TIPIN: variants seen among roughly 807,000 people sequenced by gnomAD.
TIPIN encodes TIMELESS interacting protein, also known as TIMELESS-interacting protein.
A neutral mutation model predicts 35.6 loss-of-function variants in TIPIN; 29 were observed. The observed-to-expected ratio is 0.82, with a 90% confidence interval of 0.61 to 1.11. The LOEUF is 1.11. Ranked by LOEUF, TIPIN falls within the 50% of genes most tolerant of loss-of-function variation. TIPIN has a pLI of 0.00. For synonymous variants in TIPIN, 102 were observed against 121.5 expected, an observed-to-expected ratio of 0.84 and a Z score of 1.06; for missense variants, 296 against 345.4, an observed-to-expected ratio of 0.86 and a Z score of 1.13.
chr15:66,351,794 T>C (rs373815405), intron 3 of TIPIN, among the ~76,000 whole-genome samples, 194 bp from the exon 4 acceptor site: 7 of 152,020 alleles, frequency 4.6e-5, no homozygotes, highest in Admixed American at 2.0e-4. Context: ...CACCCACCAC[T>C]GCACCCAGCT....
intron 1 of TIPIN, chr15:66,379,276 C>G: frequency 6.6e-7 from 1 of 1,508,700 alleles, no homozygotes; most frequent in Non-Finnish European, 8.8e-7. Flanking sequence ...ATTTAAATAT[C>G]ACAAGTAGGT....
At chr15:66,337,219 C>A (rs373661697) in intron 7 of TIPIN, 38 bp from the exon 8 acceptor site, 25 of 1,563,678 alleles carry the variant, frequency 1.6e-5, no homozygotes, top group Admixed American at 5.1e-5. Flanking sequence ...ATTATAAGTA[C>A]CTGATCCAAT....
At chr15:66,377,617 C>T (rs1385446594) in intron 1 of TIPIN, among the ~76,000 whole-genome samples, 1 of 152,108 alleles carries the variant, frequency 6.6e-6, no homozygotes, top group Non-Finnish European at 1.5e-5. Flanking sequence ...CCCATCTTGG[C>T]CTCCCAAAGT....
At chr15:66,355,482 G>A (rs1055455362) in intron 1 of TIPIN, among the ~76,000 whole-genome samples, 3 of 149,694 alleles carry the variant, frequency 2.0e-5, no homozygotes, top group African/African-American at 7.3e-5. Context: ...GGGCGCGGTG[G>A]CTCACGCCGG....
At chr15:66,383,211 T>G (rs868765454) in intron 1 of TIPIN, among the ~76,000 whole-genome samples, 9 of 152,138 alleles carry the variant, frequency 5.9e-5, no homozygotes, top group Admixed American at 1.3e-4. Flanking sequence ...AAATATAAAA[T>G]TATACCAGAA....
At position 66,383,677 on chromosome 15, in the gene TIPIN, C is replaced by A. The variant is rs544591446; in HGVS notation, c.-9+2930G>T. 10 of 739,626 alleles carry A rather than the reference C, an allele frequency of 1.4e-5. 1 individual carries two copies. Among genetic ancestry groups the A allele is most frequent in the African/African-American group, 1.1e-4 (6 of 52,438 alleles). The allele number at this position is 739,626 out of a possible 1,614,324, so 45.8% of individuals were successfully genotyped here. A position where few individuals can be genotyped will look rare whatever the true frequency, so the allele number is the denominator to read the frequency against. Reference sequence around the variant, plus strand: ...ACACATGCATACATTTACATCTATGCCTCTATATTAAAAAGTATGGGGGAA... The same window carrying A: ...ACACATGCATACATTTACATCTATGACTCTATATTAAAAAGTATGGGGGAA... On this transcript the variant is annotated intron_variant, in intron 1 of 7. Transcript: ENST00000562124.
At chr15:66,383,744 T>C (rs1595826620) in intron 1 of TIPIN, 1 of 210,234 alleles carries the variant, frequency 4.8e-6, no homozygotes, top group East Asian at 1.8e-4. Context: ...AAGCAGCAGA[T>C]ATGTAGGATG....
intron 1 of TIPIN, among the ~76,000 whole-genome samples, chr15:66,369,403 G>A (rs958709863): frequency 4.4e-5 from 6 of 136,974 alleles, no homozygotes; most frequent in African/African-American, 8.4e-5. Flanking sequence ...CGCCCAGGCT[G>A]GATGGTGCCA....
chr15:66,371,431 T>C (rs1005550269), intron 1 of TIPIN: 11 of 958,612 alleles, frequency 1.1e-5, no homozygotes, highest in African/African-American at 5.3e-5. Flanking sequence ...CAAATAAAAA[T>C]ATATTTGGGT....
intron 1 of TIPIN, among the ~76,000 whole-genome samples, chr15:66,354,370 T>C (rs1261257657): frequency 6.6e-6 from 1 of 152,164 alleles, no homozygotes; most frequent in African/African-American, 2.4e-5. Flanking sequence ...AGCAATTCCT[T>C]CCCCTATCCC....
chr15:66,375,673 T>C (rs1037411678), intron 1 of TIPIN, among the ~76,000 whole-genome samples: 1 of 150,802 alleles, frequency 6.6e-6, no homozygotes, highest in African/African-American at 2.4e-5. Context: ...ACCCCGTCTC[T>C]ACTAGTACCA....
At chr15:66,379,908 G>GACCATTCTCATTAA in intron 1 of TIPIN, 1 of 1,513,266 alleles carries the variant, frequency 6.6e-7, no homozygotes. Context: ...AATGAGAATG[G>GACCATTCTCATTAA]TCTTCACTCT....
chr15:66,352,284 G>C (rs779509413), intron 2 of TIPIN, 77 bp from the exon 3 acceptor site: 22 of 1,184,530 alleles, frequency 1.9e-5, no homozygotes, highest in Non-Finnish European at 2.6e-5. Context: ...TTTCCAAGCT[G>C]ATAAGATAAC....
chr15:66,371,153 G>C, intron 1 of TIPIN: 1 of 840,398 alleles, frequency 1.2e-6, no homozygotes, highest in Non-Finnish European at 1.4e-6. Context: ...AGAGGTTGCA[G>C]TGAGCTGAGA....
At chr15:66,363,436 G>A (rs914761954) in intron 1 of TIPIN, among the ~76,000 whole-genome samples, 1 of 152,094 alleles carries the variant, frequency 6.6e-6, no homozygotes, top group African/African-American at 2.4e-5. Flanking sequence ...GAGGTCAGGA[G>A]ATCGAGACCA....
chr15:66,381,816 C>G (rs973587788), intron 1 of TIPIN, among the ~76,000 whole-genome samples: 1 of 152,228 alleles, frequency 6.6e-6, no homozygotes, highest in African/African-American at 2.4e-5. Flanking sequence ...GTAATCCCAC[C>G]ACTTTGGGAG....
chr15:66,338,528 A>G (rs1250775152), intron 7 of TIPIN, among the ~76,000 whole-genome samples: 1 of 152,062 alleles, frequency 6.6e-6, no homozygotes, highest in Non-Finnish European at 1.5e-5. Flanking sequence ...AAGAAAAAGT[A>G]AATTGGCCAG....
chr15:66,362,292 G>A (rs1264335403), intron 1 of TIPIN, among the ~76,000 whole-genome samples: 2 of 150,152 alleles, frequency 1.3e-5, no homozygotes, highest in Non-Finnish European at 3.0e-5. Flanking sequence ...AACAAAGAGC[G>A]AAACTCCATC....
In TIPIN at chr15:66,336,822, C is replaced by T; in HGVS notation, c.*136G>A. The T allele has an allele frequency of 1.5e-6, 1 of 648,296 alleles. No individual in the cohort carries two copies. 40.2% of individuals were successfully genotyped at this position (648,296 alleles called of 1,614,324 possible). ...GACAAGCATAATTATAAATAAATACCAGATTATCAGATTTTAAACAATAAT... is the reference window on the plus strand; with the variant it reads ...GACAAGCATAATTATAAATAAATACTAGATTATCAGATTTTAAACAATAAT... On this transcript the variant is annotated 3_prime_UTR_variant, in exon 8 of 8. Transcript: ENST00000261881.
Sources: gnomAD v4.1 joint callset for allele counts (sites outside exome capture counted in the v4.1 genomes callset) on GRCh38, gnomAD v4.1.1 for gene constraint, MANE v1.5 for transcripts, NCBI Gene and HGNC (gene_info 2026-07-23, HGNC 2026-07-21) for gene names.